The following GMDS variants were observed in gnomAD, a reference collection of about 807,000 sequenced individuals.
GMDS encodes the protein GDP-mannose 4,6 dehydratase.
A neutral mutation model predicts 49.9 loss-of-function variants in GMDS; 20 were observed. The observed-to-expected ratio is 0.40, with a 90% CI of 0.28 to 0.58. GMDS has a LOEUF of 0.58. Among genes scored for constraint, GMDS ranks in the 20% least tolerant of loss-of-function variants. The pLI is 0.42. For synonymous variants in GMDS, 177 were observed against 178.6 expected (o/e 0.99, Z 0.07); for missense variants, 362 against 481.4 (o/e 0.75, Z 2.32).
At chr6:2,072,061 G>A (rs527514553) in intron 4 of GMDS, among the ~76,000 whole-genome samples, 14 of 152,328 alleles carry the variant, frequency 9.2e-5, no homozygotes, top group African/African-American at 2.6e-4. Flanking sequence ...AGGCAGGGGC[G>A]TGTGTGCATG....
At chr6:1,739,214 C>A (rs1442994675) in intron 8 of GMDS, among the ~76,000 whole-genome samples, 6 of 152,218 alleles carry the variant, frequency 3.9e-5, no homozygotes, top group African/African-American at 1.4e-4. Flanking sequence ...TGGGTCACAA[C>A]ATACTCATTT....
intron 1 of GMDS, among the ~76,000 whole-genome samples, chr6:2,158,782 C>T (rs995628433): frequency 6.6e-6 from 1 of 152,242 alleles, no homozygotes; most frequent in East Asian, 1.9e-4. Context: ...AACATGGATG[C>T]GCTGACTATG....
intron 4 of GMDS, among the ~76,000 whole-genome samples, chr6:1,977,682 A>C (rs1404627782): frequency 6.6e-6 from 1 of 152,168 alleles, no homozygotes; most frequent in Non-Finnish European, 1.5e-5. Context: ...CCCCACCCCC[A>C]GCCAAGGGAA....
chr6:2,187,660 A>G (rs1778837159), intron 1 of GMDS, among the ~76,000 whole-genome samples: 1 of 152,254 alleles, frequency 6.6e-6, no homozygotes. Flanking sequence ...GCTTTGCTTA[A>G]GATGACACAT....
rs144655905 is a variant in GMDS at position 2,227,734 on chromosome 6, G to T, written c.102+17587C>A. The stretch of plus-strand genomic sequence containing the variant: ...AGAACAGAAGGCTGTGCCACACAGA[G>T]GTCCCCTGGGTCACAATAGCAGCTG... On this transcript the variant is annotated intron_variant, in intron 1 of 10. Coordinates refer to ENST00000380815, the MANE Select transcript of GMDS (RefSeq NM_001500.4). 4.6e-5 allele frequency among the ~76,000 whole-genome samples: 7 copies of T among 152,278 alleles called. No homozygotes were observed. The East Asian group carries it at 1.2e-3, about 25-fold the overall frequency.
At chr6:1,678,200 C>T (rs954454091) in intron 9 of GMDS, among the ~76,000 whole-genome samples, 3 of 152,036 alleles carry the variant, frequency 2.0e-5, no homozygotes, top group Admixed American at 6.6e-5. Flanking sequence ...GGAAAAAATC[C>T]CCTGTGCTTC....
chr6:1,916,503 GAGGT>G (rs764749121), intron 7 of GMDS, among the ~76,000 whole-genome samples: 33 of 152,130 alleles, frequency 2.2e-4, no homozygotes, highest in Non-Finnish European at 2.8e-4. Context: ...GGGAAAAAGA[GAGGT>G]AGGGATGAAC....
intron 9 of GMDS, among the ~76,000 whole-genome samples, chr6:1,674,392 C>G (rs1233160549): frequency 1.3e-5 from 2 of 151,936 alleles, no homozygotes; most frequent in Non-Finnish European, 2.9e-5. Flanking sequence ...TTTAAGAGTT[C>G]TTTGTACATT....
chr6:1,644,167 G>A (rs534307776), intron 9 of GMDS, among the ~76,000 whole-genome samples: 1 of 152,344 alleles, frequency 6.6e-6, no homozygotes, highest in African/African-American at 2.4e-5. Context: ...CCACCAGTAT[G>A]AGGATCCACT....
At chr6:2,162,406 G>A (rs887788523) in intron 1 of GMDS, among the ~76,000 whole-genome samples, 1 of 152,032 alleles carries the variant, frequency 6.6e-6, no homozygotes, top group Non-Finnish European at 1.5e-5. Flanking sequence ...GGCTTTCTGT[G>A]GCTCAAATCA....
At chr6:2,053,443 T>C (rs9378319) in intron 4 of GMDS, among the ~76,000 whole-genome samples, 28,704 of 152,040 alleles carry the variant, frequency 0.19, 3,023 homozygotes, top group East Asian at 0.22. Flanking sequence ...CAATGCAGCC[T>C]AGAATGAGAC....
intron 1 of GMDS, among the ~76,000 whole-genome samples, chr6:2,144,687 A>G (rs1355075989): frequency 1.3e-5 from 2 of 152,256 alleles, no homozygotes; most frequent in Non-Finnish European, 2.9e-5. Flanking sequence ...CTGCAAGGGC[A>G]GCCTCTTCCC....
In GMDS at chr6:1,822,311, C is replaced by T. The variant is rs570443894; in HGVS notation, c.772-79725G>A. ...TATTTTAAAGTGTGTGATGGCTTGG[C>T]AAAGCCCAAACACATTTAGAAACTC... On this transcript the variant is annotated intron_variant, in intron 7 of 10. Transcript: ENST00000380815. Among the ~76,000 whole-genome samples, 3 of 152,230 alleles carry T rather than the reference C, an allele frequency of 2.0e-5. No individual in the cohort carries two copies. The South Asian group carries it at 6.2e-4, about 32-fold the overall frequency.
intron 7 of GMDS, among the ~76,000 whole-genome samples, chr6:1,898,045 C>T (rs544634455): frequency 3.2e-5 from 4 of 123,596 alleles, no homozygotes; most frequent in African/African-American, 1.2e-4. Context: ...CCTACCCTGG[C>T]CTCCCTTGCC....
chr6:2,092,397 C>T (rs1008512011), intron 4 of GMDS, among the ~76,000 whole-genome samples: 4 of 152,172 alleles, frequency 2.6e-5, no homozygotes, highest in African/African-American at 9.7e-5. Flanking sequence ...CCTTCCCATC[C>T]TTAGAATTAA....
chr6:1,898,920 A>G (rs774135265), intron 7 of GMDS, among the ~76,000 whole-genome samples: 2 of 152,234 alleles, frequency 1.3e-5, no homozygotes, highest in South Asian at 4.1e-4. Context: ...AATAAAGAAC[A>G]TCATGGATTA....
chr6:1,721,188 G>C (rs192404122), intron 9 of GMDS, among the ~76,000 whole-genome samples: 1 of 152,002 alleles, frequency 6.6e-6, no homozygotes, highest in African/African-American at 2.4e-5. Context: ...AAAAGTTTGC[G>C]GGGGGTGGGG....
intron 1 of GMDS, among the ~76,000 whole-genome samples, chr6:2,180,922 C>A (rs899083680): frequency 6.6e-6 from 1 of 152,124 alleles, no homozygotes; most frequent in Admixed American, 6.5e-5. Context: ...AATCCCAGCA[C>A]TTTGGGAGGC....
At chr6:2,028,573 GCTTGATCTTCAGT>G (rs1464738060) in intron 4 of GMDS, among the ~76,000 whole-genome samples, 2 of 152,188 alleles carry the variant, frequency 1.3e-5, no homozygotes, top group African/African-American at 2.4e-5. Flanking sequence ...GTTTACAAAG[GCTTGATCTTCAGT>G]CTTGTAACGA....
Sources: allele counts gnomAD v4.1 joint callset (sites outside exome capture counted in the v4.1 genomes callset), GRCh38; gene constraint gnomAD v4.1.1; transcripts MANE v1.5; gene names NCBI Gene and HGNC (gene_info 2026-07-23, HGNC 2026-07-21).